Variants in GALK2 observed in about 807,000 individuals in gnomAD.
The protein encoded by GALK2 is galactokinase 2.
Under a neutral mutation model 52.4 loss-of-function variants are expected in GALK2, and 36 were observed. The ratio of observed to expected loss-of-function variants is 0.69; its 90% confidence interval spans 0.53 to 0.91. The LOEUF (loss-of-function observed/expected upper bound fraction) is 0.91, where lower values mean the gene tolerates loss of function less well. Among genes scored for constraint, GALK2 ranks in the 40% least tolerant of loss-of-function variants. GALK2 has a pLI of 0.00. For missense variants in GALK2, 579 were observed against 559.1 expected (o/e 1.04, Z -0.36); for synonymous variants, 176 against 199.1 (o/e 0.88, Z 0.98).
intron 3 of GALK2, among the ~76,000 whole-genome samples, chr15:49,221,538 G>A (rs563367054): frequency 1.1e-4 from 16 of 151,966 alleles, no homozygotes; most frequent in South Asian, 2.1e-4. Context: ...GTGGTGGTGC[G>A]TGCCTATAAT....
chr15:49,263,073 T>A (rs952662338), intron 5 of GALK2, among the ~76,000 whole-genome samples: 1 of 129,016 alleles, frequency 7.8e-6, no homozygotes, highest in African/African-American at 3.2e-5. Context: ...GTTCTGTAGA[T>A]GTCTATTAGG....
intron 2 of GALK2, among the ~76,000 whole-genome samples, chr15:49,212,355 C>G (rs2088988529): frequency 6.6e-6 from 1 of 152,156 alleles, no homozygotes. Flanking sequence ...CCTCCCCTCC[C>G]AAAGTGCTGG....
intron 3 of GALK2, among the ~76,000 whole-genome samples, chr15:49,230,616 T>A (rs2090447486): frequency 6.6e-6 from 1 of 151,956 alleles, no homozygotes; most frequent in Non-Finnish European, 1.5e-5. Context: ...CGACTTCATA[T>A]TTTTTTTGAT....
chr15:49,313,012 G>A (rs2036119766), intron 8 of GALK2, among the ~76,000 whole-genome samples: 1 of 152,200 alleles, frequency 6.6e-6, no homozygotes, highest in East Asian at 1.9e-4. Flanking sequence ...AGGACCACAA[G>A]CACATACCTG....
chr15:49,358,049 A>G (rs1398606219), intron 3 of GALK2, among the ~76,000 whole-genome samples: 2 of 152,172 alleles, frequency 1.3e-5, no homozygotes, highest in Admixed American at 6.5e-5. Context: ...CCTTCATGCT[A>G]AAAGCTATCA....
At chr15:49,214,809 A>G (rs1375539137) in intron 2 of GALK2, among the ~76,000 whole-genome samples, 2 of 152,092 alleles carry the variant, frequency 1.3e-5, no homozygotes, top group Non-Finnish European at 2.9e-5. Context: ...TTCATTTACC[A>G]CTACCAGTGA....
intron 2 of GALK2, among the ~76,000 whole-genome samples, chr15:49,208,454 C>A (rs768510597): frequency 1.4e-4 from 22 of 152,154 alleles, no homozygotes; most frequent in Admixed American, 6.5e-5. Context: ...CATGTATTTG[C>A]ATGGTTTTGA....
chr15:49,226,114 T>C (rs1381117690), intron 3 of GALK2, among the ~76,000 whole-genome samples: 1 of 152,184 alleles, frequency 6.6e-6, no homozygotes, highest in East Asian at 1.9e-4. Context: ...CACCTATGGC[T>C]GTATTCTGCT....
At chr15:49,277,655 G>A (rs1337681197) in intron 5 of GALK2, among the ~76,000 whole-genome samples, 2 of 150,216 alleles carry the variant, frequency 1.3e-5, no homozygotes, top group African/African-American at 4.9e-5. Context: ...AATTAGCCGG[G>A]CGTGTTGGCG....
intron 8 of GALK2, among the ~76,000 whole-genome samples, chr15:49,301,351 GT>G (rs2035095256): frequency 1.3e-5 from 2 of 152,144 alleles, no homozygotes; most frequent in Non-Finnish European, 2.9e-5. Context: ...TTTAGGAATA[GT>G]TTCAGGCTTA....
At chr15:49,245,067 A>G (rs749773435) in intron 5 of GALK2, among the ~76,000 whole-genome samples, 3 of 152,198 alleles carry the variant, frequency 2.0e-5, no homozygotes, top group Non-Finnish European at 4.4e-5. Flanking sequence ...TAAGTGAACA[A>G]TAATCTCAGT....
chr15:49,310,162 C>G (rs1243639628), intron 8 of GALK2, among the ~76,000 whole-genome samples: 1 of 152,152 alleles, frequency 6.6e-6, no homozygotes, highest in African/African-American at 2.4e-5. Flanking sequence ...CCTGATTTAT[C>G]TCACATAACA....
intron 8 of GALK2, among the ~76,000 whole-genome samples, chr15:49,317,288 C>T (rs983133750): frequency 4.6e-5 from 7 of 151,704 alleles, no homozygotes; most frequent in South Asian, 4.2e-4. Flanking sequence ...GACATTTATG[C>T]GGCCAAAAAA....
chr15:49,169,665 C>A (rs1023662243), upstream of GALK2, among the ~76,000 whole-genome samples: 3 of 152,108 alleles, frequency 2.0e-5, no homozygotes, highest in Admixed American at 2.0e-4. Context: ...TAACTGGATG[C>A]TAAGGGGTCT....
chr15:49,156,202 TCTTA>T, intron 1 of GALK2: 1 of 618,534 alleles, frequency 1.6e-6, no homozygotes, highest in Non-Finnish European at 2.9e-6. Flanking sequence ...TTGCCTTAAA[TCTTA>T]CTCAGTTGTT....
At chr15:49,197,176 G>A (rs1185281794) in intron 1 of GALK2, among the ~76,000 whole-genome samples, 1 of 152,148 alleles carries the variant, frequency 6.6e-6, no homozygotes, top group African/African-American at 2.4e-5. Context: ...ATTACTACTT[G>A]TTTTCTTATT....
At chr15:49,214,888 C>T (rs1267086346) in intron 2 of GALK2, among the ~76,000 whole-genome samples, 1 of 152,120 alleles carries the variant, frequency 6.6e-6, no homozygotes, top group Non-Finnish European at 1.5e-5. Flanking sequence ...GAATAACTCT[C>T]TTTAACATTT....
chr15:49,193,447 T>C (rs1490689768), intron 1 of GALK2, among the ~76,000 whole-genome samples: 1 of 152,052 alleles, frequency 6.6e-6, no homozygotes, highest in Non-Finnish European at 1.5e-5. Context: ...TTTTGTAGTG[T>C]TTTTGCCATA....
Position 49,247,505 on chromosome 15 carries a change from G to C in GALK2, c.504+8138G>C, listed in dbSNP as rs144926807. Among the ~76,000 whole-genome samples the C allele has an allele frequency of 2.6e-3, 403 of 152,310 alleles. 3 individuals are homozygous for C. Among genetic ancestry groups the C allele is most frequent in the African/African-American group, 9.1e-3 (380 of 41,562 alleles). On this transcript the variant is annotated intron_variant, in intron 5 of 9. Transcript: ENST00000560031. ...GTCAATGCCCTTATGGAACTTAAAT[G>C]CATATAGTGGAATAGTAACAGAAGA...
Sources: gnomAD v4.1 joint callset for allele counts (sites outside exome capture counted in the v4.1 genomes callset) on GRCh38, gnomAD v4.1.1 for gene constraint, MANE v1.5 for transcripts, NCBI Gene and HGNC (gene_info 2026-07-23, HGNC 2026-07-21) for gene names.